NRG3: variants seen among roughly 807,000 people sequenced by gnomAD.
The protein encoded by NRG3 is pro-neuregulin-3, membrane-bound isoform.
In NRG3, 31 loss-of-function variants were observed where a neutral mutation model predicts 66.9. The ratio of observed to expected loss-of-function variants is 0.46; its 90% confidence interval spans 0.35 to 0.63. The LOEUF is 0.63. NRG3 is among the 20% of genes least tolerant of loss of function. The probability of loss-of-function intolerance (pLI) is 0.00; values close to 1 mark genes in which losing one functional copy is unlikely to be tolerated. For synonymous variants in NRG3, 393 were observed against 359.4 expected (o/e 1.09, Z -1.06); for missense variants, 910 against 878.9 (o/e 1.04, Z -0.45).
intron 2 of NRG3, among the ~76,000 whole-genome samples, chr10:82,521,212 A>G (rs1019943329): frequency 6.6e-6 from 1 of 152,196 alleles, no homozygotes; most frequent in African/African-American, 2.4e-5. Flanking sequence ...AAAACATTTT[A>G]TTTACTAAAA....
chr10:82,423,224 A>G (rs1179794299), intron 2 of NRG3, among the ~76,000 whole-genome samples: 1 of 151,964 alleles, frequency 6.6e-6, no homozygotes, highest in Non-Finnish European at 1.5e-5. Flanking sequence ...CATAATTTCA[A>G]CTGTTTTAGG....
intron 4 of NRG3, among the ~76,000 whole-genome samples, chr10:82,916,772 C>T (rs1417053570): frequency 6.6e-5 from 10 of 152,086 alleles, no homozygotes; most frequent in South Asian, 2.1e-4. Context: ...CGTGCCACCA[C>T]GCCCAGCTAA....
At chr10:82,931,048 C>A (rs1201255539) in intron 4 of NRG3, among the ~76,000 whole-genome samples, 2 of 152,122 alleles carry the variant, frequency 1.3e-5, no homozygotes, top group Non-Finnish European at 2.9e-5. Context: ...GAAAGACTCA[C>A]AGGTTAAGAC....
chr10:82,612,337 T>C (rs2048364624), intron 2 of NRG3, among the ~76,000 whole-genome samples: 1 of 152,128 alleles, frequency 6.6e-6, no homozygotes, highest in African/African-American at 2.4e-5. Context: ...TTCCTCCTCC[T>C]CTTTTTTTTA....
intron 2 of NRG3, among the ~76,000 whole-genome samples, chr10:82,543,993 G>T (rs1214649627): frequency 6.6e-6 from 1 of 152,166 alleles, no homozygotes; most frequent in African/African-American, 2.4e-5. Flanking sequence ...ACCTAGGTTA[G>T]CCATTTAATA....
chr10:82,825,900 G>T (rs573168943), intron 3 of NRG3, among the ~76,000 whole-genome samples: 13 of 152,208 alleles, frequency 8.5e-5, no homozygotes, highest in Non-Finnish European at 8.8e-5. Context: ...GTGCAAGATG[G>T]AGTGGATTTC....
chr10:82,300,938 C>A (rs1291140764), intron 1 of NRG3, among the ~76,000 whole-genome samples: 1 of 151,688 alleles, frequency 6.6e-6, no homozygotes, highest in African/African-American at 2.4e-5. Context: ...CAAATTCAGC[C>A]TGGGCAACCT....
intron 1 of NRG3, among the ~76,000 whole-genome samples, chr10:82,223,642 A>AC (rs2076037746): frequency 7.3e-6 from 1 of 137,926 alleles, no homozygotes; most frequent in African/African-American, 2.8e-5. Context: ...AACCACCCCA[A>AC]ACACACACAC....
intron 1 of NRG3, among the ~76,000 whole-genome samples, chr10:82,037,438 A>C (rs1434823768): frequency 1.3e-5 from 2 of 152,194 alleles, no homozygotes; most frequent in East Asian, 1.9e-4. Flanking sequence ...GTGTAGGCAC[A>C]TGACACATTC....
chr10:82,817,530 A>G (rs1011045690), intron 3 of NRG3, among the ~76,000 whole-genome samples: 10 of 151,942 alleles, frequency 6.6e-5, no homozygotes, highest in African/African-American at 2.2e-4. Flanking sequence ...TGCTTCTCTT[A>G]CCTCTACTCC....
intron 4 of NRG3, among the ~76,000 whole-genome samples, chr10:82,924,964 G>T (rs1468092230): frequency 6.6e-6 from 1 of 152,178 alleles, no homozygotes; most frequent in Non-Finnish European, 1.5e-5. Flanking sequence ...AAGAAGAAAA[G>T]CATGACTTTT....
At chr10:82,075,084 A>G (rs1482504381) in intron 1 of NRG3, among the ~76,000 whole-genome samples, 1 of 152,196 alleles carries the variant, frequency 6.6e-6, no homozygotes, top group Non-Finnish European at 1.5e-5. Context: ...ATGCTTAGCG[A>G]TATAAACTTG....
intron 1 of NRG3, among the ~76,000 whole-genome samples, chr10:82,120,773 T>G (rs1215109142): frequency 1.3e-5 from 2 of 152,088 alleles, no homozygotes; most frequent in Non-Finnish European, 2.9e-5. Flanking sequence ...TGTGGACTAA[T>G]ATTGAATTCC....
chr10:82,690,348 C>A (rs896590744), intron 2 of NRG3, among the ~76,000 whole-genome samples: 1 of 151,384 alleles, frequency 6.6e-6, no homozygotes, highest in Non-Finnish European at 1.5e-5. Context: ...AAGCAATTTG[C>A]GTGCAATCTC....
chr10:82,836,022 C>T (rs1220611357), intron 3 of NRG3, among the ~76,000 whole-genome samples: 1 of 152,118 alleles, frequency 6.6e-6, no homozygotes, highest in Non-Finnish European at 1.5e-5. Context: ...GTATGGCTGA[C>T]AAGCTAAGAA....
intron 2 of NRG3, among the ~76,000 whole-genome samples, chr10:82,594,296 G>T (rs1332915035): frequency 1.3e-5 from 2 of 152,012 alleles, no homozygotes; most frequent in Admixed American, 1.3e-4. Flanking sequence ...ACAAATTCAT[G>T]GTAGCCCCTG....
chr10:82,017,790 GT>G (rs1564741281), intron 1 of NRG3, among the ~76,000 whole-genome samples: 1 of 152,042 alleles, frequency 6.6e-6, no homozygotes, highest in Admixed American at 6.6e-5. Context: ...GGGGTTGTTT[GT>G]TTTTTTCTTG....
chr10:81,927,691 T>A (rs1407976021), intron 1 of NRG3, among the ~76,000 whole-genome samples: 2 of 152,154 alleles, frequency 1.3e-5, no homozygotes, highest in African/African-American at 4.8e-5. Context: ...CTAATTAACG[T>A]CTTGCATTGA....
At chr10:82,457,884 G>T (rs576805059) in intron 2 of NRG3, among the ~76,000 whole-genome samples, 7 of 152,294 alleles carry the variant, frequency 4.6e-5, no homozygotes, top group Admixed American at 4.6e-4. Flanking sequence ...TGATTTTTCC[G>T]CTAAGAAAAT....
Sources: allele counts gnomAD v4.1 joint callset (sites outside exome capture counted in the v4.1 genomes callset), GRCh38; gene constraint gnomAD v4.1.1; transcripts MANE v1.5; gene names NCBI Gene and HGNC (gene_info 2026-07-23, HGNC 2026-07-21).